Variants in VWA5B1 observed in about 807,000 individuals in gnomAD.
VWA5B1 encodes von Willebrand factor A domain containing 5B1.
In VWA5B1, 115 loss-of-function variants were observed where a neutral mutation model predicts 118.2. The observed-to-expected ratio is 0.97, with a 90% CI of 0.84 to 1.14. The LOEUF (loss-of-function observed/expected upper bound fraction) is 1.14, where lower values mean the gene tolerates loss of function less well. Ranked by LOEUF, VWA5B1 falls within the 50% of genes most tolerant of loss-of-function variation. The pLI is 0.00. For missense variants in VWA5B1, 1,596 were observed against 1,603.8 expected, an observed-to-expected ratio of 1.00 and a Z score of 0.08; for synonymous variants, 682 against 658.4, an observed-to-expected ratio of 1.04 and a Z score of -0.55.
intron 1 of VWA5B1, among the ~76,000 whole-genome samples, chr1:20,307,192 A>C (rs1261053989): frequency 1.3e-5 from 2 of 152,198 alleles, no homozygotes; most frequent in East Asian, 1.9e-4. Flanking sequence ...CTCACACCAG[A>C]CACCATTCCG....
Position 20,342,504 on chromosome 1 carries a change from C to T in VWA5B1, c.2206C>T (p.Leu736=). The T allele has an allele frequency of 6.4e-7, 1 of 1,551,260 alleles. No individual in the cohort carries two copies. Among genetic ancestry groups the T allele is most frequent in the Non-Finnish European group, 8.7e-7 (1 of 1,146,858 alleles). The part of the protein sequence containing the change: ...LRGPGARRPS[L]LPQGCQPFLP... ...TGGCCCAGGGGCCCGAAGGCCCTCT[C>T]TGCTGCCCCAAGGCTGCCAGCCCTT... Residue 736 remains leucine, a synonymous_variant, in exon 15 of 22, where the codon CTG becomes TTG. Transcript: ENST00000289815.
chr1:20,334,551 C>T (rs2089661468), intron 12 of VWA5B1, among the ~76,000 whole-genome samples: 1 of 152,224 alleles, frequency 6.6e-6, no homozygotes, highest in Admixed American at 6.5e-5. Flanking sequence ...TGGCTCACGC[C>T]TATAATCCCA....
intron 16 of VWA5B1, among the ~76,000 whole-genome samples, chr1:20,343,960 C>G (rs2089953912): frequency 2.2e-5 from 3 of 135,688 alleles, no homozygotes; most frequent in Admixed American, 7.3e-5. Context: ...GCTTCAGCCC[C>G]CTTCATCTCC....
chr1:20,339,756 G>A (rs1012595587), intron 14 of VWA5B1, among the ~76,000 whole-genome samples: 2 of 151,690 alleles, frequency 1.3e-5, no homozygotes, highest in Non-Finnish European at 2.9e-5. Context: ...GCCCTTCTCT[G>A]TGCTTATTGA....
At chr1:20,312,367 A>T (rs2088874972) in intron 2 of VWA5B1, among the ~76,000 whole-genome samples, 2 of 152,222 alleles carry the variant, frequency 1.3e-5, no homozygotes, top group Non-Finnish European at 2.9e-5. Context: ...CCCATCTTAC[A>T]GGTGGTGCCA....
rs142754344 is a variant in VWA5B1, at chr1:20,351,258, C to G, written c.3023+332C>G. On this transcript the variant is annotated intron_variant, in intron 20 of 21. Coordinates refer to ENST00000289815, the MANE Select transcript of VWA5B1 (RefSeq NM_001039500.3). ...CACAATCCAGGTATAGTAGCTCACA[C>G]GTGTAATCCCAGCACTTTGGGAGGC... Among the ~76,000 whole-genome samples the G allele has an allele frequency of 4.7e-3, 717 of 152,296 alleles. 12 individuals carry two copies. Among genetic ancestry groups the G allele is most frequent in the African/African-American group, 0.016 (681 of 41,550 alleles).
chr1:20,314,250 T>TA (rs1416159886), intron 3 of VWA5B1, 72 bp from the exon 4 acceptor site: 1 of 1,480,854 alleles, frequency 6.8e-7, no homozygotes, highest in East Asian at 2.5e-5. Context: ...CACTCACACT[T>TA]ACCACAACAG....
At position 20,358,011 on chromosome 1, in the gene VWA5B1, C is replaced by A. The variant is rs12048103; in HGVS notation, c.*3748C>A. Among the ~76,000 whole-genome samples, 1 of 152,116 alleles carries A rather than the reference C, an allele frequency of 6.6e-6. No homozygotes were observed. The highest frequency in any genetic ancestry group is 2.4e-5 in the African/African-American group (1 of 41,424). On this transcript the variant is annotated 3_prime_UTR_variant, in exon 22 of 22. Coordinates refer to ENST00000289815, the MANE Select transcript of VWA5B1 (RefSeq NM_001039500.3). Reference sequence around the variant, plus strand: ...GAACCCTGTCTCAGGCCCCTCAGCTCGAGACCAACTCCAGATGCCAGGATA... The same window carrying A: ...GAACCCTGTCTCAGGCCCCTCAGCTAGAGACCAACTCCAGATGCCAGGATA...
At chr1:20,342,834 A>G (rs1007166598) in intron 15 of VWA5B1, among the ~76,000 whole-genome samples, 2 of 151,974 alleles carry the variant, frequency 1.3e-5, no homozygotes, top group African/African-American at 4.8e-5. Flanking sequence ...CCCCTGTCCC[A>G]CCCCATACTA....
At chr1:20,318,287 T>C in intron 5 of VWA5B1, 1 of 427,740 alleles carries the variant, frequency 2.3e-6, no homozygotes, top group Non-Finnish European at 4.4e-6. Flanking sequence ...GACGGAGCGC[T>C]GAGAGCCATC....
chr1:20,319,584 A>G (rs868178624), intron 7 of VWA5B1, 78 bp downstream of exon 7: 1 of 1,524,508 alleles, frequency 6.6e-7, no homozygotes, highest in Middle Eastern at 2.1e-4. Context: ...TGAACAAGTG[A>G]GGTGGGGAGG....
Position 20,323,643 on chromosome 1 carries a change from A to T in VWA5B1, c.1143+111A>T. ...TCTGTTCCAAGAAACAACTTTTAAA[A>T]ATCAGTTTAAACAGAGATACCCAAA... On this transcript the variant is annotated intron_variant, in intron 8 of 21. Transcript: ENST00000289815. The T allele has an allele frequency of 2.5e-6, 3 of 1,181,766 alleles. No homozygotes were observed. The South Asian group carries it at 7.9e-5, about 31-fold the overall frequency. The allele number at this position is 1,181,766 out of a possible 1,614,324, so 73.2% of individuals were successfully genotyped here.
At chr1:20,341,554 G>A (rs1244276786) in intron 14 of VWA5B1, among the ~76,000 whole-genome samples, 1 of 152,188 alleles carries the variant, frequency 6.6e-6, no homozygotes, top group Non-Finnish European at 1.5e-5. Flanking sequence ...TTTTTCGTGA[G>A]GCTGAGAATT....
intron 16 of VWA5B1, among the ~76,000 whole-genome samples, chr1:20,344,938 G>A (rs1468086472): frequency 6.6e-6 from 1 of 152,116 alleles, no homozygotes; most frequent in Non-Finnish European, 1.5e-5. Flanking sequence ...TTGGGCTCTG[G>A]GGTCAGACCA....
intron 9 of VWA5B1, among the ~76,000 whole-genome samples, chr1:20,328,962 T>G (rs1239556897): frequency 2.0e-5 from 3 of 152,252 alleles, no homozygotes; most frequent in Admixed American, 1.3e-4. Context: ...AGGCCTTCCA[T>G]ACTGTTCTGT....
At chr1:20,317,410 C>T (rs747455068) in intron 4 of VWA5B1, 120 bp from the exon 5 acceptor site, 25 of 1,380,394 alleles carry the variant, frequency 1.8e-5, no homozygotes, top group African/African-American at 2.9e-5. Context: ...GAGCACGGGT[C>T]TGGGGGCCCC....
intron 1 of VWA5B1, among the ~76,000 whole-genome samples, chr1:20,291,664 G>A (rs147075571): frequency 1.5e-4 from 23 of 152,122 alleles, no homozygotes; most frequent in Admixed American, 1.1e-3. Flanking sequence ...TGCCCACCCC[G>A]GCAGCCGGGC....
chr1:20,322,588 G>A (rs530380716), intron 7 of VWA5B1, among the ~76,000 whole-genome samples: 2 of 152,296 alleles, frequency 1.3e-5, no homozygotes, highest in Non-Finnish European at 2.9e-5. Context: ...AAGTATAATA[G>A]CAAACAAGTT....
At chr1:20,308,695 C>A (rs1335844325) in intron 1 of VWA5B1, among the ~76,000 whole-genome samples, 1 of 152,126 alleles carries the variant, frequency 6.6e-6, no homozygotes. Flanking sequence ...TGTCAGTCAG[C>A]CCAACAGGAG....
Sources: allele counts gnomAD v4.1 joint callset (sites outside exome capture counted in the v4.1 genomes callset), GRCh38; gene constraint gnomAD v4.1.1; transcripts MANE v1.5; gene names NCBI Gene and HGNC (gene_info 2026-07-23, HGNC 2026-07-21).